Variants in SLC6A11 observed in about 807,000 individuals in gnomAD.
SLC6A11 encodes solute carrier family 6 member 11, also known as sodium- and chloride-dependent GABA transporter 3.
A neutral mutation model predicts 74.8 loss-of-function variants in SLC6A11; 25 were observed. The observed-to-expected ratio is 0.33, with a 90% CI of 0.24 to 0.47. The LOEUF (loss-of-function observed/expected upper bound fraction) is 0.47. SLC6A11 is among the 20% of genes least tolerant of loss of function. SLC6A11 has a pLI of 1.00. For missense variants in SLC6A11, 574 were observed against 837.0 expected (o/e 0.69, Z 3.88); for synonymous variants, 330 against 330.2 (o/e 1.00, Z 0.01).
At chr3:10,906,065 C>T (rs1484833433) in intron 6 of SLC6A11, among the ~76,000 whole-genome samples, 1 of 152,086 alleles carries the variant, frequency 6.6e-6, no homozygotes, top group East Asian at 1.9e-4. Context: ...TTCCCTTCTC[C>T]AAATTAATAC....
At chr3:10,904,172 G>A (rs969622870) in intron 6 of SLC6A11, among the ~76,000 whole-genome samples, 1 of 152,230 alleles carries the variant, frequency 6.6e-6, no homozygotes, top group African/African-American at 2.4e-5. Context: ...TAAAGTGTGG[G>A]TGGGGAAAAT....
chr3:10,864,604 T>C (rs1047974990), intron 5 of SLC6A11, among the ~76,000 whole-genome samples: 2 of 152,132 alleles, frequency 1.3e-5, no homozygotes, highest in Non-Finnish European at 1.5e-5. Context: ...CGGCTTCCCT[T>C]CAACTCAGCT....
intron 8 of SLC6A11, among the ~76,000 whole-genome samples, chr3:10,922,048 C>T (rs895357437): frequency 6.6e-6 from 1 of 152,154 alleles, no homozygotes; most frequent in African/African-American, 2.4e-5. Flanking sequence ...TAACACCCCT[C>T]TTTAACTAAT....
chr3:10,845,410 G>A (rs1427030752), intron 5 of SLC6A11, among the ~76,000 whole-genome samples: 6 of 152,146 alleles, frequency 3.9e-5, no homozygotes, highest in East Asian at 1.9e-4. Flanking sequence ...GAAATGAAGC[G>A]TCTCTCATGC....
intron 8 of SLC6A11, among the ~76,000 whole-genome samples, chr3:10,921,087 T>G (rs1695531869): frequency 6.6e-6 from 1 of 152,222 alleles, no homozygotes; most frequent in South Asian, 2.1e-4. Context: ...CAGAATGTAC[T>G]ATTTGCAGGG....
At chr3:10,859,566 T>C (rs1694679424) in intron 5 of SLC6A11, among the ~76,000 whole-genome samples, 1 of 152,204 alleles carries the variant, frequency 6.6e-6, no homozygotes, top group Non-Finnish European at 1.5e-5. Context: ...CGTTAGCATG[T>C]ATGTTAGGAT....
intron 6 of SLC6A11, among the ~76,000 whole-genome samples, chr3:10,890,308 C>T (rs563413850): frequency 6.6e-6 from 1 of 152,322 alleles, no homozygotes; most frequent in East Asian, 1.9e-4. Flanking sequence ...TTGTGGGTTT[C>T]GTTCCTAAGA....
At chr3:10,842,586 A>G (rs2106584456) in intron 4 of SLC6A11, among the ~76,000 whole-genome samples, 1 of 152,338 alleles carries the variant, frequency 6.6e-6, no homozygotes, top group South Asian at 2.1e-4. Flanking sequence ...CTATAATTAA[A>G]TGGCTGCCTC....
intron 5 of SLC6A11, among the ~76,000 whole-genome samples, chr3:10,848,272 A>G (rs371044640): frequency 6.6e-6 from 1 of 152,312 alleles, no homozygotes; most frequent in East Asian, 1.9e-4. Context: ...CTAAGTGAGG[A>G]TTTGAGATCA....
chr3:10,842,375 G>T (rs919179301), intron 4 of SLC6A11, among the ~76,000 whole-genome samples: 1 of 152,320 alleles, frequency 6.6e-6, no homozygotes, highest in East Asian at 1.9e-4. Flanking sequence ...ACTTTGCAAA[G>T]GTTGGGACCC....
At chr3:10,869,974 A>G (rs895980956) in intron 5 of SLC6A11, among the ~76,000 whole-genome samples, 1 of 152,186 alleles carries the variant, frequency 6.6e-6, no homozygotes, top group African/African-American at 2.4e-5. Flanking sequence ...AACTCTGAGC[A>G]TACCTGAGTG....
At chr3:10,863,001 C>A (rs1694720932) in intron 5 of SLC6A11, among the ~76,000 whole-genome samples, 1 of 152,226 alleles carries the variant, frequency 6.6e-6, no homozygotes, top group East Asian at 1.9e-4. Flanking sequence ...GGACTGTTCA[C>A]ACCAGGGCCT....
At chr3:10,894,625 G>C (rs1027399312) in intron 6 of SLC6A11, among the ~76,000 whole-genome samples, 1 of 152,186 alleles carries the variant, frequency 6.6e-6, no homozygotes, top group African/African-American at 2.4e-5. Flanking sequence ...GTAGAATGGT[G>C]GTTCCCAGGG....
intron 5 of SLC6A11, among the ~76,000 whole-genome samples, chr3:10,853,916 C>G (rs931568752): frequency 6.6e-6 from 1 of 152,148 alleles, no homozygotes; most frequent in Non-Finnish European, 1.5e-5. Flanking sequence ...CACCAGTGGG[C>G]CACCCTACTG....
At chr3:10,881,577 G>T (rs1243064491) in intron 6 of SLC6A11, among the ~76,000 whole-genome samples, 1 of 152,198 alleles carries the variant, frequency 6.6e-6, no homozygotes, top group African/African-American at 2.4e-5. Flanking sequence ...GTCTCTTGTG[G>T]CTCTGTGAAG....
At chr3:10,858,277 A>G (rs1280867713) in intron 5 of SLC6A11, among the ~76,000 whole-genome samples, 2 of 152,220 alleles carry the variant, frequency 1.3e-5, no homozygotes, top group African/African-American at 4.8e-5. Flanking sequence ...TTCAGTCTAT[A>G]TTAAAATGAG....
Position 10,935,183 on chromosome 3 carries a change from A to G in SLC6A11, c.1730A>G (p.Glu577Gly), listed in dbSNP as rs1456333090. 1 of 1,613,934 alleles carries G rather than the reference A, an allele frequency of 6.2e-7. No homozygotes were observed. The highest frequency in any genetic ancestry group is 8.5e-7 in the Non-Finnish European group (1 of 1,179,956). The change falls in exon 13 of 14, where the codon GAG (glutamate) becomes GGG (glycine). Residue 577 changes from glutamate (E) to glycine (G), a missense_variant. This residue lies in a region of SLC6A11 where 257 missense variants were observed against 341.5 expected (regional missense o/e 0.75). Transcript: ENST00000254488. Reference protein sequence around the residue: ...LWICITVWKTEGTLPEKLQKL... With the variant: ...LWICITVWKTGGTLPEKLQKL... ...ATCTGCATCACAGTGTGGAAGACGG[A>G]GGGGACACTGCCCGAGGTGAGACCG...
At chr3:10,861,053 G>A (rs1430118893) in intron 5 of SLC6A11, among the ~76,000 whole-genome samples, 1 of 152,222 alleles carries the variant, frequency 6.6e-6, no homozygotes, top group Non-Finnish European at 1.5e-5. Context: ...ATAGGATCCG[G>A]GTGAGGCCCC....
intron 5 of SLC6A11, among the ~76,000 whole-genome samples, chr3:10,853,710 G>A (rs927675362): frequency 1.3e-5 from 2 of 152,088 alleles, no homozygotes; most frequent in African/African-American, 2.4e-5. Context: ...GGCCCACCCC[G>A]GTTATCCCAC....
Sources: allele counts gnomAD v4.1 joint callset (sites outside exome capture counted in the v4.1 genomes callset), GRCh38; gene constraint gnomAD v4.1.1; regional missense constraint gnomAD v4.1.1; transcripts MANE v1.5; gene names NCBI Gene and HGNC (gene_info 2026-07-23, HGNC 2026-07-21).